Variants in EPAS1 observed in about 807,000 individuals in gnomAD.
EPAS1 encodes the protein endothelial PAS domain protein 1, also known as endothelial PAS domain-containing protein 1.
Under a neutral mutation model 87.9 loss-of-function variants are expected in EPAS1, and 23 were observed. The observed-to-expected ratio is 0.26, with a 90% CI of 0.19 to 0.37. The LOEUF (loss-of-function observed/expected upper bound fraction) is 0.37, where lower values mean the gene tolerates loss of function less well. Ranked by LOEUF, EPAS1 falls within the 10% of genes least tolerant of loss-of-function variation. EPAS1 has a pLI of 1.00. For missense variants in EPAS1, 1,138 were observed against 1,120.7 expected, an observed-to-expected ratio of 1.02 and a Z score of -0.22; for synonymous variants, 508 against 444.3, an observed-to-expected ratio of 1.14 and a Z score of -1.80.
chr2:46,382,643 C>G (rs747263352), intron 15 of EPAS1, 45 bp downstream of exon 15: 5 of 1,610,894 alleles, frequency 3.1e-6, no homozygotes, highest in Non-Finnish European at 3.4e-6. Context: ...GGATTCGATG[C>G]CAGGGGAAGC....
intron 2 of EPAS1, among the ~76,000 whole-genome samples, chr2:46,350,192 C>G (rs1684120063): frequency 6.6e-6 from 1 of 152,220 alleles, no homozygotes; most frequent in Non-Finnish European, 1.5e-5. Flanking sequence ...AACCTACTTT[C>G]TAGCAATTTC....
intron 13 of EPAS1, 59 bp downstream of exon 13, chr2:46,381,781 G>A (rs1684899206): frequency 2.5e-6 from 4 of 1,608,034 alleles, no homozygotes; most frequent in Non-Finnish European, 3.4e-6. Flanking sequence ...ACCCAGGGCT[G>A]CTGAGAGGGG....
chr2:46,319,145 A>G (rs1683405681), intron 1 of EPAS1, among the ~76,000 whole-genome samples: 1 of 152,256 alleles, frequency 6.6e-6, no homozygotes, highest in Non-Finnish European at 1.5e-5. Flanking sequence ...ATAAAAGGTT[A>G]AGTGCCATGT....
chr2:46,335,703 A>T (rs1053259364), intron 1 of EPAS1: 1 of 149,570 alleles, frequency 6.7e-6, no homozygotes, highest in Non-Finnish European at 1.5e-5. Flanking sequence ...GAAGCGCCCC[A>T]CCCCCACCTT....
Position 46,375,899 on chromosome 2 carries a change from G to C in EPAS1, c.1034+62G>C, listed in dbSNP as rs1235328531. The C allele has an allele frequency of 1.9e-6, 3 of 1,609,890 alleles. No individual in the cohort carries two copies. Among genetic ancestry groups the C allele is most frequent in the Non-Finnish European group, 2.5e-6 (3 of 1,177,326 alleles). ...TATGTGGGGGTGCCCAAGCTTCCCA[G>C]ACTCAGGATGACAGGCCTAGGAGAT... On this transcript the variant is annotated intron_variant, in intron 8 of 15. Transcript: ENST00000263734. This position sits in a 1 kb window ranked among gnomAD's most constrained non-coding sequence, Gnocchi z 4.1.
rs1684621274 is a variant in EPAS1 at position 46,371,202 on chromosome 2, A to G, written c.886+1269A>G. ...CAGTGGCCCTGCTGGCAATGGAGAAAACGGAAGGGCAGCCATTTGTCCATG... is the reference window on the plus strand; with the variant it reads ...CAGTGGCCCTGCTGGCAATGGAGAAGACGGAAGGGCAGCCATTTGTCCATG... On this transcript the variant is annotated intron_variant, in intron 7 of 15. Transcript: ENST00000263734. The surrounding 1 kb of genome is among the most constrained non-coding windows in gnomAD (Gnocchi z 4.3). Among the ~76,000 whole-genome samples, 1 of 152,152 alleles carries G rather than the reference A, an allele frequency of 6.6e-6. No individual in the cohort carries two copies. The highest frequency in any genetic ancestry group is 1.5e-5 in the Non-Finnish European group (1 of 68,032).
At chr2:46,336,088 C>T (rs911204748) in intron 1 of EPAS1, among the ~76,000 whole-genome samples, 3 of 152,272 alleles carry the variant, frequency 2.0e-5, no homozygotes, top group Admixed American at 6.5e-5. Context: ...CCAGCTGCAG[C>T]GCCTGGGAGA....
chr2:46,382,065 C>T lies in EPAS1; in HGVS notation c.2263C>T (p.Pro755Ser), dbSNP rs1325511537. 2 of 1,614,030 alleles carry T rather than the reference C, an allele frequency of 1.2e-6. No homozygotes were observed. Among genetic ancestry groups the T allele is most frequent in the South Asian group, 1.1e-5 (1 of 91,080 alleles). ...GGSCPLMPDK[P>S]LSANVPNDKF... ...GAGCTGCCCTTTGATGCCGGACAAG[C>T]CACTGAGCGCAAATGTACCCAATGG... Residue 755 changes from proline to serine, a missense_variant, in exon 14 of 16, where the codon CCA becomes TCA. Pro to Ser is a moderately conservative substitution (Grantham distance 74). Transcript: ENST00000263734.
intron 2 of EPAS1, among the ~76,000 whole-genome samples, chr2:46,352,205 C>A (rs1558598432): frequency 6.6e-6 from 1 of 152,182 alleles, no homozygotes. Flanking sequence ...CACTTGGTGG[C>A]TTATTGAGCA....
At chr2:46,304,282 A>G (rs747262739) in intron 1 of EPAS1, among the ~76,000 whole-genome samples, 77 of 152,108 alleles carry the variant, frequency 5.1e-4, no homozygotes, top group Non-Finnish European at 9.3e-4. Flanking sequence ...CACTTCATTG[A>G]TGGGAAAGCT....
intron 1 of EPAS1, among the ~76,000 whole-genome samples, chr2:46,332,291 C>T (rs1418986929): frequency 6.3e-5 from 7 of 110,820 alleles, no homozygotes; most frequent in Middle Eastern, 4.9e-3. Flanking sequence ...AAAAAAAATA[C>T]GTGTGTGTGT....
intron 2 of EPAS1, 79 bp from the exon 3 acceptor site, chr2:46,356,072 G>A: frequency 6.7e-7 from 1 of 1,487,024 alleles, no homozygotes; most frequent in Non-Finnish European, 9.4e-7. Context: ...CACCATCCCT[G>A]GCAAATGCCT....
At chr2:46,369,800 T>C in intron 6 of EPAS1, 27 bp from the exon 7 acceptor site, 8 of 1,572,374 alleles carry the variant, frequency 5.1e-6, no homozygotes, top group Non-Finnish European at 7.0e-6. Context: ...TCTTTCTTCC[T>C]TACATGCTGC....
chr2:46,356,989 T>C (rs976800461), intron 4 of EPAS1, among the ~76,000 whole-genome samples, 181 bp downstream of exon 4: 1 of 152,148 alleles, frequency 6.6e-6, no homozygotes, highest in Non-Finnish European at 1.5e-5. Flanking sequence ...GATCCAGTAC[T>C]CAGAAATATC....
At chr2:46,369,704 G>A in intron 6 of EPAS1, 123 bp from the exon 7 acceptor site, 1 of 725,930 alleles carries the variant, frequency 1.4e-6, no homozygotes, top group African/African-American at 1.7e-5. Flanking sequence ...CAACAAGAAA[G>A]TCTGGATTGT....
intron 6 of EPAS1, among the ~76,000 whole-genome samples, chr2:46,362,956 G>GGTGGTGGTGGTGGTA (rs1684426181): frequency 1.1e-5 from 1 of 88,232 alleles, no homozygotes; most frequent in Admixed American, 1.2e-4. Context: ...AATTGTTAGT[G>GGTGGTGGTGGTGGTA]GTGGTGGTGG....
chr2:46,375,519 A>G lies in EPAS1; in HGVS notation c.887-171A>G. The G allele has an allele frequency of 1.4e-6, 1 of 732,690 alleles. No homozygotes were observed. Among genetic ancestry groups the G allele is most frequent in the South Asian group, 1.7e-5 (1 of 60,232 alleles). 45.4% of individuals were successfully genotyped at this position (732,690 alleles called of 1,614,324 possible). On this transcript the variant is annotated intron_variant, in intron 7 of 15. Coordinates refer to ENST00000263734, the MANE Select transcript of EPAS1 (RefSeq NM_001430.5). This position sits in a 1 kb window ranked among gnomAD's most constrained non-coding sequence, Gnocchi z 4.1. The stretch of plus-strand genomic sequence containing the variant: ...TATATTTAAAATGAAGAGTTGGCTG[A>G]GGTGATCCCTAAGCTCCCTCCCAGG...
At position 46,360,962 on chromosome 2, in the gene EPAS1, C is replaced by T; in HGVS notation, c.651C>T (p.Pro217=). ...ATAGTCTGTGTGGCTACAAGGAGCC[C>T]CTGCTGTCCTGCCTCATCATCATGT... ...PHNSLCGYKE[P]LLSCLIIMCE... is the part of the protein sequence containing the mutation. Residue 217 remains proline (P), a synonymous_variant, in exon 6 of 16, where the codon CCC becomes CCT. Transcript: ENST00000263734. The surrounding 1 kb of genome is among the most constrained non-coding windows in gnomAD (Gnocchi z 4.5). 1 of 1,614,178 alleles carries T rather than the reference C, an allele frequency of 6.2e-7. No homozygotes were observed. The highest frequency in any genetic ancestry group is 8.5e-7 in the Non-Finnish European group (1 of 1,180,038).
In EPAS1 at chr2:46,347,897, C is replaced by T. The variant is rs1684067587; in HGVS notation, c.217+834C>T. Among the ~76,000 whole-genome samples, 1 of 152,184 alleles carries T rather than the reference C, an allele frequency of 6.6e-6. No individual in the cohort carries two copies. The highest frequency in any genetic ancestry group is 2.4e-5 in the African/African-American group (1 of 41,444). ...CGCTGGGCAACGAGTTGTGCTCCTC[C>T]CCACCTGGTCTGGTGCCACAGGTGG... On this transcript the variant is annotated intron_variant, in intron 2 of 15. Transcript: ENST00000263734. This position sits in a 1 kb window ranked among gnomAD's most constrained non-coding sequence, Gnocchi z 4.2.
Sources: allele counts gnomAD v4.1 joint callset (sites outside exome capture counted in the v4.1 genomes callset), GRCh38; gene constraint gnomAD v4.1.1; non-coding constraint Gnocchi (gnomAD v3.1); transcripts MANE v1.5; gene names NCBI Gene and HGNC (gene_info 2026-07-23, HGNC 2026-07-21).